The following B4GALT1 variants were observed in gnomAD, a reference collection of about 807,000 sequenced individuals.
B4GALT1 encodes the protein N-acetyllactosamine synthase.
B4GALT1 carries 16 observed loss-of-function variants against 34.9 expected under a neutral mutation model. The observed-to-expected ratio is 0.46, with a 90% CI of 0.31 to 0.70. The LOEUF (loss-of-function observed/expected upper bound fraction) is 0.70. Ranked by LOEUF, B4GALT1 falls within the 30% of genes least tolerant of loss-of-function variation. The pLI is 0.05. For missense variants in B4GALT1, 445 were observed against 530.5 expected (o/e 0.84, Z 1.58); for synonymous variants, 221 against 218.1 (o/e 1.01, Z -0.12).
intron 1 of B4GALT1, among the ~76,000 whole-genome samples, chr9:33,140,341 G>A (rs2118184953): frequency 6.6e-6 from 1 of 152,314 alleles, no homozygotes; most frequent in African/African-American, 2.4e-5. Flanking sequence ...TAAAGACCAT[G>A]TAGGTGTTTT....
intron 1 of B4GALT1, among the ~76,000 whole-genome samples, chr9:33,150,483 T>A (rs969915733): frequency 4.6e-5 from 7 of 151,928 alleles, no homozygotes; most frequent in African/African-American, 1.7e-4. Context: ...TACATATGTT[T>A]AAAAAAATGT....
At position 33,167,069 on chromosome 9, in the gene B4GALT1, A is replaced by C; in HGVS notation, c.101T>G (p.Leu34Arg). The C allele has an allele frequency of 6.2e-7, 1 of 1,603,554 alleles. No individual in the cohort carries two copies. The highest frequency in any genetic ancestry group is 8.5e-7 in the Non-Finnish European group (1 of 1,179,078). Residue 34 changes from leucine (L) to arginine (R), a missense_variant, in exon 1 of 6, where the codon CTT becomes CGT. This residue lies in a region of B4GALT1 where 349 missense variants were observed against 395.5 expected (regional missense o/e 0.88). Coordinates refer to ENST00000379731, the MANE Select transcript of B4GALT1 (RefSeq NM_001497.4). ...CAGGTAGTAAACGAGGGTGACGCCA[A>C]GGTGCAGAGCGCAGACGGCCACGAG... ...RLLVAVCALH[L>R]GVTLVYYLAG...
intron 1 of B4GALT1, among the ~76,000 whole-genome samples, chr9:33,140,181 A>G (rs1414259404): frequency 6.6e-6 from 1 of 152,232 alleles, no homozygotes; most frequent in Non-Finnish European, 1.5e-5. Context: ...ATGCTGGCTG[A>G]AGCACTAGTT....
chr9:33,183,005 C>T, the B4GALT1 span, among the ~76,000 whole-genome samples: 1 of 152,138 alleles, frequency 6.6e-6, no homozygotes, highest in Non-Finnish European at 1.5e-5. Context: ...ATAACATGTA[C>T]AGTAGTACCC....
the B4GALT1 span, among the ~76,000 whole-genome samples, chr9:33,182,065 T>C: frequency 6.6e-6 from 1 of 152,146 alleles, no homozygotes; most frequent in Non-Finnish European, 1.5e-5. Flanking sequence ...AAATTTTTTT[T>C]TGTGGAGACA....
At chr9:33,133,014 T>C (rs1587736723) in intron 2 of B4GALT1, among the ~76,000 whole-genome samples, 1 of 152,182 alleles carries the variant, frequency 6.6e-6, no homozygotes, top group Non-Finnish European at 1.5e-5. Context: ...GAGATTCTCC[T>C]GCCTCAGCCT....
intron 2 of B4GALT1, among the ~76,000 whole-genome samples, chr9:33,121,244 C>T (rs529999334): frequency 2.0e-5 from 3 of 152,362 alleles, no homozygotes; most frequent in Admixed American, 1.3e-4. Flanking sequence ...AAGGCCATGC[C>T]ATACACACCA....
chr9:33,158,778 C>T (rs566338398), intron 1 of B4GALT1, among the ~76,000 whole-genome samples: 1 of 152,222 alleles, frequency 6.6e-6, no homozygotes, highest in African/African-American at 2.4e-5. Flanking sequence ...TCTGACCACA[C>T]CATATTGCCA....
At chr9:33,131,794 C>T (rs1224070952) in intron 2 of B4GALT1, among the ~76,000 whole-genome samples, 1 of 152,220 alleles carries the variant, frequency 6.6e-6, no homozygotes, top group Non-Finnish European at 1.5e-5. Flanking sequence ...ACAGATAACA[C>T]AGGCAGTTCC....
intron 3 of B4GALT1, among the ~76,000 whole-genome samples, chr9:33,118,047 G>A (rs1484977396): frequency 2.0e-5 from 3 of 152,178 alleles, no homozygotes; most frequent in South Asian, 2.1e-4. Context: ...AGGGCATCAC[G>A]GGCCCCTTCC....
chr9:33,156,813 A>G (rs752934262), intron 1 of B4GALT1, among the ~76,000 whole-genome samples: 8 of 152,188 alleles, frequency 5.3e-5, no homozygotes, highest in Non-Finnish European at 1.2e-4. Flanking sequence ...GATCAACACC[A>G]TTATTTTTAA....
chr9:33,159,185 G>A (rs557062412), intron 1 of B4GALT1, among the ~76,000 whole-genome samples: 2 of 152,222 alleles, frequency 1.3e-5, no homozygotes, highest in Non-Finnish European at 2.9e-5. Flanking sequence ...ACAGCTCTGC[G>A]GTTTCAGGAT....
intron 1 of B4GALT1, among the ~76,000 whole-genome samples, chr9:33,147,264 T>C (rs370056117): frequency 3.0e-4 from 34 of 113,548 alleles, no homozygotes; most frequent in East Asian, 1.4e-3. Flanking sequence ...TTTTTTTTTT[T>C]CCCCCTGAGA....
chr9:33,148,595 T>C (rs984161959), intron 1 of B4GALT1, among the ~76,000 whole-genome samples: 1 of 152,202 alleles, frequency 6.6e-6, no homozygotes, highest in Non-Finnish European at 1.5e-5. Context: ...CATGAGGTAT[T>C]ATTCAGCAGT....
chr9:33,110,499 A>G (rs2117985778), downstream of B4GALT1: 2 of 152,336 alleles, frequency 1.3e-5, no homozygotes, highest in Middle Eastern at 6.8e-3. Context: ...TACAGATAAG[A>G]GAATGAAGTT....
At chr9:33,180,814 C>G in the B4GALT1 span, among the ~76,000 whole-genome samples, 2 of 152,168 alleles carry the variant, frequency 1.3e-5, no homozygotes, top group Non-Finnish European at 2.9e-5. Context: ...CCCTCCAGTA[C>G]TATATACACT....
intron 4 of B4GALT1, 56 bp downstream of exon 4, chr9:33,115,935 A>T: frequency 6.3e-7 from 1 of 1,586,666 alleles, no homozygotes; most frequent in South Asian, 1.1e-5. Flanking sequence ...GCATTGGTTA[A>T]AAAACTGGAA....
chr9:33,178,541 C>T, the B4GALT1 span, among the ~76,000 whole-genome samples: 11 of 152,244 alleles, frequency 7.2e-5, no homozygotes, highest in East Asian at 2.1e-3. Flanking sequence ...TTCTCATGAC[C>T]CGAAGTGGGT....
downstream of B4GALT1, among the ~76,000 whole-genome samples, chr9:33,106,563 G>T (rs934530927): frequency 1.4e-4 from 21 of 152,180 alleles, no homozygotes; most frequent in Non-Finnish European, 2.9e-4. Flanking sequence ...GCAATGGAGC[G>T]TGGATGGCAT....
Sources: allele counts gnomAD v4.1 joint callset (sites outside exome capture counted in the v4.1 genomes callset), GRCh38; gene constraint gnomAD v4.1.1; regional missense constraint gnomAD v4.1.1; transcripts MANE v1.5; gene names NCBI Gene and HGNC (gene_info 2026-07-23, HGNC 2026-07-21).